Variants in LUZP1 observed in about 807,000 individuals in gnomAD.
LUZP1 encodes the protein leucine zipper protein 1, also known as filamin mechanobinding actin cross-linking protein.
In LUZP1, 25 loss-of-function variants were observed where a neutral mutation model predicts 71.3. The observed-to-expected ratio is 0.35, with a 90% CI of 0.26 to 0.49. The LOEUF is 0.49. LUZP1 is among the 20% of genes least tolerant of loss of function. The pLI is 0.99. For synonymous variants in LUZP1, 481 were observed against 506.4 expected, an observed-to-expected ratio of 0.95 and a Z score of 0.67; for missense variants, 1,142 against 1,300.8, an observed-to-expected ratio of 0.88 and a Z score of 1.88.
intron 2 of LUZP1, among the ~76,000 whole-genome samples, chr1:23,156,035 T>C (rs1212323293): frequency 1.3e-5 from 2 of 152,152 alleles, no homozygotes; most frequent in African/African-American, 4.8e-5. Flanking sequence ...CAGACCAAGG[T>C]AAATGATACC....
At chr1:23,154,321 C>G (rs1415434193) in intron 2 of LUZP1, among the ~76,000 whole-genome samples, 1 of 151,832 alleles carries the variant, frequency 6.6e-6, no homozygotes, top group Non-Finnish European at 1.5e-5. Flanking sequence ...CATTTGAGGC[C>G]AAGAGTTCAA....
intron 2 of LUZP1, among the ~76,000 whole-genome samples, chr1:23,153,733 A>C (rs534441214): frequency 2.6e-5 from 4 of 152,252 alleles, no homozygotes; most frequent in South Asian, 2.1e-4. Context: ...TGGGAGTTCG[A>C]GACCAGCCTG....
intron 2 of LUZP1, among the ~76,000 whole-genome samples, chr1:23,148,571 A>G (rs1226929164): frequency 6.6e-6 from 1 of 152,214 alleles, no homozygotes; most frequent in African/African-American, 2.4e-5. Context: ...GTCACAGTGC[A>G]ATGTTATAGG....
At chr1:23,134,211 T>C (rs1474109180) in intron 2 of LUZP1, among the ~76,000 whole-genome samples, 1 of 152,210 alleles carries the variant, frequency 6.6e-6, no homozygotes, top group African/African-American at 2.4e-5. Flanking sequence ...CCAGGCACCG[T>C]GGCTCACACC....
At chr1:23,100,961 A>G (rs1643927374) in intron 3 of LUZP1, among the ~76,000 whole-genome samples, 1 of 152,086 alleles carries the variant, frequency 6.6e-6, no homozygotes. Context: ...CAGTCTCCTG[A>G]CTCTATGTTC....
At chr1:23,167,110 G>T (rs138940329) in intron 2 of LUZP1, among the ~76,000 whole-genome samples, 2 of 152,172 alleles carry the variant, frequency 1.3e-5, no homozygotes, top group East Asian at 3.9e-4. Context: ...ATTTTCTATG[G>T]GGGTAATTCA....
chr1:23,166,860 T>C (rs1644513951), intron 2 of LUZP1, among the ~76,000 whole-genome samples: 1 of 152,198 alleles, frequency 6.6e-6, no homozygotes, highest in African/African-American at 2.4e-5. Context: ...ATCCGCATTA[T>C]TAATCACTGG....
At position 23,119,205 on chromosome 1, in the gene LUZP1, G is replaced by A. The variant is rs1193414721; in HGVS notation, c.-225-10078C>T. 2.1e-5 allele frequency among the ~76,000 whole-genome samples: 3 copies of A among 144,568 alleles called. 1 individual carries two copies. Among genetic ancestry groups the A allele is most frequent in the African/African-American group, 5.1e-5 (2 of 39,266 alleles). The allele number at this position is 144,568 out of a possible 152,430, so 94.8% of individuals were successfully genotyped here. ...TACTGCCATTGGCCTGGTACAGTGTGAAATAAACAGTCAACATTTTTTTTA... is the reference window on the plus strand; with the variant it reads ...TACTGCCATTGGCCTGGTACAGTGTAAAATAAACAGTCAACATTTTTTTTA... On this transcript the variant is annotated intron_variant, in intron 2 of 4. Transcript: ENST00000302291.
exon 5 of LUZP1, chr1:23,088,021 G>A (rs1485085816): frequency 6.5e-6 from 1 of 152,772 alleles, no homozygotes; most frequent in Admixed American, 6.5e-5. Flanking sequence ...CTAGAAGGCA[G>A]AGGATGCTGG....
chr1:23,146,184 A>AT (rs1262638219), intron 2 of LUZP1, among the ~76,000 whole-genome samples: 1 of 151,654 alleles, frequency 6.6e-6, no homozygotes, highest in African/African-American at 2.4e-5. Context: ...GCACATGCTA[A>AT]TTTTTGTATT....
At chr1:23,088,446 G>C (rs1206054585) in exon 5 of LUZP1, 1 of 156,122 alleles carries the variant, frequency 6.4e-6, no homozygotes, top group East Asian at 1.9e-4. Flanking sequence ...TGGGGTACTT[G>C]AGCCCATTGG....
chr1:23,111,655 T>C (rs1453020381), intron 2 of LUZP1, among the ~76,000 whole-genome samples: 1 of 152,120 alleles, frequency 6.6e-6, no homozygotes, highest in Non-Finnish European at 1.5e-5. Context: ...CCCTCTGCTT[T>C]TAAAAAATAA....
intron 2 of LUZP1, among the ~76,000 whole-genome samples, chr1:23,120,909 C>T (rs1352464725): frequency 1.3e-5 from 2 of 152,192 alleles, no homozygotes; most frequent in Non-Finnish European, 2.9e-5. Context: ...TCTCCACTCC[C>T]CTGGCCTCTA....
chr1:23,168,424 G>C (rs1377662530), intron 2 of LUZP1, among the ~76,000 whole-genome samples: 1 of 127,376 alleles, frequency 7.9e-6, no homozygotes, highest in East Asian at 2.6e-4. Context: ...TCTCCTCCGC[G>C]TCTCTGCCCC....
exon 4 of LUZP1, chr1:23,091,754 G>A (rs747785480): frequency 3.1e-6 from 5 of 1,614,066 alleles, no homozygotes; most frequent in Middle Eastern, 1.6e-4. Flanking sequence ...AGCTGACATG[G>A]TTGCTAACTG....
intron 2 of LUZP1, among the ~76,000 whole-genome samples, chr1:23,162,442 ATT>A (rs549246555): frequency 1.5e-5 from 2 of 131,190 alleles, no homozygotes; most frequent in Non-Finnish European, 1.5e-5. Context: ...ATATACTTTT[ATT>A]TTTTTTTTTT....
intron 3 of LUZP1, among the ~76,000 whole-genome samples, chr1:23,101,658 CA>C (rs1643932450): frequency 6.6e-6 from 1 of 152,182 alleles, no homozygotes; most frequent in Non-Finnish European, 1.5e-5. Context: ...CCCTTCTCCC[CA>C]GAGTAAACAA....
At chr1:23,116,204 G>A (rs1052904043) in intron 2 of LUZP1, among the ~76,000 whole-genome samples, 2 of 152,156 alleles carry the variant, frequency 1.3e-5, no homozygotes, top group African/African-American at 2.4e-5. Flanking sequence ...AACATAGTGA[G>A]ACCTTGTCTC....
chr1:23,136,214 GAAAC>G (rs1171671722), intron 2 of LUZP1, among the ~76,000 whole-genome samples: 1 of 151,472 alleles, frequency 6.6e-6, no homozygotes, highest in African/African-American at 2.4e-5. Flanking sequence ...TAATTTTAAA[GAAAC>G]AGACAGGGCC....
Sources: gnomAD v4.1 joint callset for allele counts (sites outside exome capture counted in the v4.1 genomes callset) on GRCh38, gnomAD v4.1.1 for gene constraint, MANE v1.5 for transcripts, NCBI Gene and HGNC (gene_info 2026-07-23, HGNC 2026-07-21) for gene names.